NCDN: variants seen among roughly 807,000 people sequenced by gnomAD.
NCDN encodes the protein neurochondrin.
In NCDN, 9 loss-of-function variants were observed where a neutral mutation model predicts 60.7. The observed-to-expected ratio is 0.15, with a 90% CI of 0.09 to 0.26. NCDN has a LOEUF of 0.26. Ranked by LOEUF, NCDN falls within the 10% of genes least tolerant of loss-of-function variation. The probability of loss-of-function intolerance (pLI) is 1.00; values close to 1 mark genes in which losing one functional copy is unlikely to be tolerated. For synonymous variants in NCDN, 409 were observed against 442.5 expected (o/e 0.92, Z 0.95); for missense variants, 578 against 975.2 (o/e 0.59, Z 5.42).
Position 35,565,139 on chromosome 1 carries a change from G to A in NCDN, c.1754-88G>A. 3.0e-6 allele frequency: 4 copies of A among 1,329,390 alleles called. No homozygotes were observed. The highest frequency in any genetic ancestry group is 3.1e-6 in the Non-Finnish European group (3 of 967,754). The allele number at this position is 1,329,390 out of a possible 1,614,324, so 82.3% of individuals were successfully genotyped here. The stretch of plus-strand genomic sequence containing the variant: ...GATTCCAGGCTGTGCCCTGGCTCCT[G>A]CATGTGTCTACACAGAGGACTAGGG... On this transcript the variant is annotated intron_variant, in intron 6 of 6. Transcript: ENST00000373243. This position sits in a 1 kb window ranked among gnomAD's most constrained non-coding sequence, Gnocchi z 8.9.
chr1:35,558,288 A>ATCCGGCTTTTGGATTC lies in NCDN; in HGVS notation c.33+70_33+85dup. On this transcript the variant is annotated intron_variant, in intron 1 of 6. Coordinates refer to ENST00000373243, the MANE Select transcript of NCDN (RefSeq NM_014284.3). This position sits in a 1 kb window ranked among gnomAD's most constrained non-coding sequence, Gnocchi z 6.3. ...CCATCTCAGCAGCCCTGCTTCGATT[A>ATCCGGCTTTTGGATTC]TCCGGCTTTTGGATTCTCCGTTGTC... 6 of 1,607,418 alleles carry ATCCGGCTTTTGGATTC rather than the reference A, an allele frequency of 3.7e-6. No individual in the cohort carries two copies. The highest frequency in any genetic ancestry group is 5.1e-6 in the Non-Finnish European group (6 of 1,175,374).
rs56974171 is a variant in NCDN, at chr1:35,566,629, CCA to C, written c.*1016_*1017del. The stretch of plus-strand genomic sequence containing the variant: ...TACCTTTCTTATAAACCCAGGGGGA[CCA>C]CACACACACACACACACACACACAC... On this transcript the variant is annotated 3_prime_UTR_variant, in exon 7 of 7. Coordinates refer to ENST00000373243, the MANE Select transcript of NCDN (RefSeq NM_014284.3). This position sits in a 1 kb window ranked among gnomAD's most constrained non-coding sequence, Gnocchi z 5.3. 49,952 of 268,370 alleles carry C rather than the reference CCA, an allele frequency of 0.19. 2,052 individuals are homozygous for C. Among genetic ancestry groups the C allele is most frequent in the Non-Finnish European group, 0.21 (27,071 of 131,232 alleles). 16.6% of individuals were successfully genotyped at this position (268,370 alleles called of 1,614,324 possible).
Position 35,560,682 on chromosome 1 carries a change from C to T in NCDN, c.531C>T (p.Thr177=), listed in dbSNP as rs746759916. The T allele has an allele frequency of 6.8e-6, 11 of 1,613,056 alleles. No individual in the cohort carries two copies. Among genetic ancestry groups the T allele is most frequent in the South Asian group, 3.3e-5 (3 of 91,086 alleles). The change falls in exon 3 of 7, where the codon ACC becomes ACT. Residue 177 remains threonine, a synonymous_variant. Transcript: ENST00000373243. The surrounding 1 kb of genome is among the most constrained non-coding windows in gnomAD (Gnocchi z 7.6). ...RGPRHLIAGG[T]VSALCQAYLG... is the part of the protein sequence containing the mutation. ...CTCGGCACCTCATTGCTGGTGGCAC[C>T]GTGTCTGCCCTATGCCAGGCATACC... is the stretch of plus-strand genomic sequence containing the variant.
chr1:35,562,632 C>T lies in NCDN; in HGVS notation c.1384C>T (p.Arg462Trp), dbSNP rs1490243053. The change falls in exon 4 of 7, where the codon CGG becomes TGG. Residue 462 changes from arginine to tryptophan, a missense_variant and splice_region_variant. Coordinates refer to ENST00000373243, the MANE Select transcript of NCDN (RefSeq NM_014284.3). This position sits in a 1 kb window ranked among gnomAD's most constrained non-coding sequence, Gnocchi z 6.8. ...PGPTWPGDAL[R>W]LLLPGWCHLT... ...GCCCACCTGGCCAGGAGACGCTCTC[C>T]GGTGAGTCTGTAGTTACAGTCTGTC... 2.5e-6 allele frequency: 4 copies of T among 1,612,048 alleles called. No homozygotes were observed. The highest frequency in any genetic ancestry group is 2.2e-5 in the East Asian group (1 of 44,834).
Position 35,558,493 on chromosome 1 carries a change from C to A in NCDN, c.33+270C>A. Reference sequence around the variant, plus strand: ...GAGGGAAAGGAGAGGAGGCAAGGAGCCTGCGGGGGCGACTGAGAGCCCTGG... The same window carrying A: ...GAGGGAAAGGAGAGGAGGCAAGGAGACTGCGGGGGCGACTGAGAGCCCTGG... On this transcript the variant is annotated intron_variant, in intron 1 of 6. Coordinates refer to ENST00000373243, the MANE Select transcript of NCDN (RefSeq NM_014284.3). This position sits in a 1 kb window ranked among gnomAD's most constrained non-coding sequence, Gnocchi z 6.3. The A allele has an allele frequency of 7.2e-7, 1 of 1,390,084 alleles. No individual in the cohort carries two copies. The highest frequency in any genetic ancestry group is 1.6e-5 in the South Asian group (1 of 61,340). 86.1% of individuals were successfully genotyped at this position (1,390,084 alleles called of 1,614,324 possible).
Position 35,562,547 on chromosome 1 carries a change from G to A in NCDN, c.1299G>A (p.Glu433=). The part of the protein sequence containing the change: ...RYAKTLYEEA[E]EANDLSQQVA... ...CCAAGACCCTCTACGAGGAGGCCGA[G>A]GAGGCCAATGACCTTTCCCAGCAGG... The change falls in exon 4 of 7, where the codon GAG becomes GAA. Residue 433 remains glutamate (E), a synonymous_variant. Coordinates refer to ENST00000373243, the MANE Select transcript of NCDN (RefSeq NM_014284.3). The surrounding 1 kb of genome is among the most constrained non-coding windows in gnomAD (Gnocchi z 6.8). 6.2e-7 allele frequency: 1 copy of A among 1,614,098 alleles called. No homozygotes were observed. The highest frequency in any genetic ancestry group is 8.5e-7 in the Non-Finnish European group (1 of 1,179,992).
Position 35,561,097 on chromosome 1 carries a change from G to C in NCDN, c.946G>C (p.Val316Leu). 1 of 1,613,884 alleles carries C rather than the reference G, an allele frequency of 6.2e-7. No homozygotes were observed. The highest frequency in any genetic ancestry group is 1.7e-5 in the Admixed American group (1 of 60,000). ...FLALLVNLAC[V>L]EVRLALEETG... ...GGCCCTGCTGGTGAATCTGGCGTGCGTGGAAGTGCGGCTGGCACTGGAGGA... is the reference window on the plus strand; with the variant it reads ...GGCCCTGCTGGTGAATCTGGCGTGCCTGGAAGTGCGGCTGGCACTGGAGGA... The change falls in exon 3 of 7, where the codon GTG (valine) becomes CTG (leucine). Residue 316 changes from valine to leucine, a missense_variant. Val to Leu is a conservative substitution (Grantham distance 32). This residue lies in a region of NCDN where 363 missense variants were observed against 583.6 expected (regional missense o/e 0.62). Transcript: ENST00000373243. The surrounding 1 kb of genome is among the most constrained non-coding windows in gnomAD (Gnocchi z 4.9).
Position 35,560,297 on chromosome 1 carries a change from A to G in NCDN, c.175-29A>G, listed in dbSNP as rs181198985. On this transcript the variant is annotated intron_variant, in intron 2 of 6. Transcript: ENST00000373243. The surrounding 1 kb of genome is among the most constrained non-coding windows in gnomAD (Gnocchi z 7.6). ...ACAGTCTTTCCCACTTCTTCCTTTC[A>G]TCCTGATGATAGCACATACCCCCTA... The G allele has an allele frequency of 7.5e-6, 12 of 1,596,916 alleles. No homozygotes were observed. Among genetic ancestry groups the G allele is most frequent in the Admixed American group, 5.1e-5 (3 of 59,398 alleles).
chr1:35,560,290 T>C lies in NCDN; in HGVS notation c.175-36T>C. ...GAGAGGGACAGTCTTTCCCACTTCT[T>C]CCTTTCATCCTGATGATAGCACATA... On this transcript the variant is annotated intron_variant, in intron 2 of 6. Transcript: ENST00000373243. This position sits in a 1 kb window ranked among gnomAD's most constrained non-coding sequence, Gnocchi z 7.6. 6.3e-7 allele frequency: 1 copy of C among 1,588,940 alleles called. No homozygotes were observed. The highest frequency in any genetic ancestry group is 2.2e-5 in the East Asian group (1 of 44,580).
chr1:35,558,037 A>T lies in NCDN; in HGVS notation c.-154A>T. On this transcript the variant is annotated 5_prime_UTR_variant, in exon 1 of 7. Transcript: ENST00000373243. This position sits in a 1 kb window ranked among gnomAD's most constrained non-coding sequence, Gnocchi z 6.3. ...TGCCCTGTCGAGACTCCATTTTGTCACAGCCCTTTTCAATATATATCTTTT... is the reference window on the plus strand; with the variant it reads ...TGCCCTGTCGAGACTCCATTTTGTCTCAGCCCTTTTCAATATATATCTTTT... The T allele has an allele frequency of 8.6e-7, 1 of 1,158,102 alleles. No individual in the cohort carries two copies. Among genetic ancestry groups the T allele is most frequent in the Non-Finnish European group, 1.2e-6 (1 of 821,248 alleles). 71.7% of individuals were successfully genotyped at this position (1,158,102 alleles called of 1,614,324 possible).
In NCDN at chr1:35,563,664, G is replaced by C; in HGVS notation, c.1611-103G>C. On this transcript the variant is annotated intron_variant, in intron 5 of 6. Coordinates refer to ENST00000373243, the MANE Select transcript of NCDN (RefSeq NM_014284.3). This position sits in a 1 kb window ranked among gnomAD's most constrained non-coding sequence, Gnocchi z 6.6. The stretch of plus-strand genomic sequence containing the variant: ...CTCTGCCCCCCAGATGCTATGTTTG[G>C]GGCCCAAAGTTAATCACCCTACTGC... 1 of 1,419,038 alleles carries C rather than the reference G, an allele frequency of 7.0e-7. No homozygotes were observed. The highest frequency in any genetic ancestry group is 9.7e-7 in the Non-Finnish European group (1 of 1,033,464). The allele number at this position is 1,419,038 out of a possible 1,614,324, so 87.9% of individuals were successfully genotyped here.
In NCDN at chr1:35,565,752, CCT is replaced by C. The variant is rs747996133; in HGVS notation, c.*91_*92del. The C allele has an allele frequency of 3.1e-4, 420 of 1,345,928 alleles. No homozygotes were observed. Among genetic ancestry groups the C allele is most frequent in the East Asian group, 2.1e-3 (82 of 38,722 alleles). The allele number at this position is 1,345,928 out of a possible 1,614,324, so 83.4% of individuals were successfully genotyped here. On this transcript the variant is annotated 3_prime_UTR_variant, in exon 7 of 7. Coordinates refer to ENST00000373243, the MANE Select transcript of NCDN (RefSeq NM_014284.3). The surrounding 1 kb of genome is among the most constrained non-coding windows in gnomAD (Gnocchi z 8.9). ...CCTGAAGCCCCCAATCTGGCCCCCC[CCT>C]CCCCAGACTTCCTCCCCAAAACACC... is the stretch of plus-strand genomic sequence containing the variant.
Position 35,561,471 on chromosome 1 carries a change from C to T in NCDN, c.1143+177C>T, listed in dbSNP as rs1342257408. 6.6e-6 allele frequency among the ~76,000 whole-genome samples: 1 copy of T among 151,930 alleles called. No homozygotes were observed. The highest frequency in any genetic ancestry group is 2.4e-5 in the African/African-American group (1 of 41,322). On this transcript the variant is annotated intron_variant, in intron 3 of 6. Coordinates refer to ENST00000373243, the MANE Select transcript of NCDN (RefSeq NM_014284.3). This position sits in a 1 kb window ranked among gnomAD's most constrained non-coding sequence, Gnocchi z 4.9. ...GGCCCAACCTCCCTCTCTCTCCCTC[C>T]CTCCACACAAGCACCATACCACACA...
At position 35,560,323 on chromosome 1, in the gene NCDN, T is replaced by C. The variant is rs751393195; in HGVS notation, c.175-3T>C. 1 of 1,612,524 alleles carries C rather than the reference T, an allele frequency of 6.2e-7. No homozygotes were observed. Among genetic ancestry groups the C allele is most frequent in the Admixed American group, 1.7e-5 (1 of 60,018 alleles). On this transcript the variant is annotated splice_polypyrimidine_tract_variant and splice_region_variant and intron_variant, in intron 2 of 6. Coordinates refer to ENST00000373243, the MANE Select transcript of NCDN (RefSeq NM_014284.3). This position sits in a 1 kb window ranked among gnomAD's most constrained non-coding sequence, Gnocchi z 7.6. The stretch of plus-strand genomic sequence containing the variant: ...TCCTGATGATAGCACATACCCCCTA[T>C]AGGTGACCAAGGCAGTCAAAGCAGG...
Position 35,563,989 on chromosome 1 carries a change from AT to A in NCDN, c.1753+85del. On this transcript the variant is annotated intron_variant, in intron 6 of 6. Coordinates refer to ENST00000373243, the MANE Select transcript of NCDN (RefSeq NM_014284.3). The surrounding 1 kb of genome is among the most constrained non-coding windows in gnomAD (Gnocchi z 6.6). ...TCCTGTGTTTGGGGCAAAAGTCACCATTTTTAGAAGATGGTTTTGCAGCATT... is the reference window on the plus strand; with the variant it reads ...TCCTGTGTTTGGGGCAAAAGTCACCATTTTAGAAGATGGTTTTGCAGCATT... The A allele has an allele frequency of 1.4e-6, 2 of 1,475,958 alleles. No homozygotes were observed. The highest frequency in any genetic ancestry group is 1.4e-5 in the South Asian group (1 of 73,934). 91.4% of individuals were successfully genotyped at this position (1,475,958 alleles called of 1,614,324 possible).
chr1:35,565,669 G>A lies in NCDN; in HGVS notation c.*6G>A, dbSNP rs1557427552. ...AGTGCCTGTCAGAGCCCTGAGGGGT[G>A]TCCACCGGGGACAGACCCAGGGGCG... On this transcript the variant is annotated 3_prime_UTR_variant, in exon 7 of 7. Transcript: ENST00000373243. This position sits in a 1 kb window ranked among gnomAD's most constrained non-coding sequence, Gnocchi z 8.9. The A allele has an allele frequency of 6.5e-7, 1 of 1,543,852 alleles. No individual in the cohort carries two copies. The highest frequency in any genetic ancestry group is 8.7e-7 in the Non-Finnish European group (1 of 1,151,580).
rs137981465 is a variant in NCDN, at chr1:35,565,459, C to T, written c.1986C>T (p.Arg662=). The T allele has an allele frequency of 4.4e-6, 7 of 1,608,908 alleles. No individual in the cohort carries two copies. The African/African-American group carries it at 6.7e-5, about 15-fold the overall frequency. ...TGGCCCCCGCTGCCCTGCGCTCCCG[C>T]TGGCCGCAGGAGCTGCTCCAGCTGC... is the stretch of plus-strand genomic sequence containing the variant. ...PWLAPAALRS[R]WPQELLQLLG... is the part of the protein sequence containing the mutation. The change falls in exon 7 of 7, where the codon CGC becomes CGT. Residue 662 remains arginine, a synonymous_variant. Coordinates refer to ENST00000373243, the MANE Select transcript of NCDN (RefSeq NM_014284.3). The surrounding 1 kb of genome is among the most constrained non-coding windows in gnomAD (Gnocchi z 8.9).
chr1:35,558,236 A>G lies in NCDN; in HGVS notation c.33+13A>G. On this transcript the variant is annotated intron_variant, in intron 1 of 6. Transcript: ENST00000373243. The surrounding 1 kb of genome is among the most constrained non-coding windows in gnomAD (Gnocchi z 6.3). ...TGCGGCGGGACAGGTGGTGACCGCC[A>G]GGAACCCTCCTCCCCTTCTCATCTC... 6.2e-7 allele frequency: 1 copy of G among 1,613,950 alleles called. No individual in the cohort carries two copies.
chr1:35,560,845 G>T lies in NCDN; in HGVS notation c.694G>T (p.Ala232Ser). ...LRGLSEDFQKAEDASKFELCQ... is the reference protein window; with the variant it reads ...LRGLSEDFQKSEDASKFELCQ... ...GGGCCTCAGTGAGGATTTCCAGAAAGCTGAGGATGCCAGCAAGTTTGAGCT... is the reference window on the plus strand; with the variant it reads ...GGGCCTCAGTGAGGATTTCCAGAAATCTGAGGATGCCAGCAAGTTTGAGCT... Residue 232 changes from alanine (A) to serine (S), a missense_variant, in exon 3 of 7, where the codon GCT (alanine) becomes TCT (serine). This residue lies in a region of NCDN where 363 missense variants were observed against 583.6 expected (regional missense o/e 0.62). Coordinates refer to ENST00000373243, the MANE Select transcript of NCDN (RefSeq NM_014284.3). The surrounding 1 kb of genome is among the most constrained non-coding windows in gnomAD (Gnocchi z 7.6). 6.2e-7 allele frequency: 1 copy of T among 1,614,156 alleles called. No homozygotes were observed. Among genetic ancestry groups the T allele is most frequent in the Non-Finnish European group, 8.5e-7 (1 of 1,180,032 alleles).
Sources: gnomAD v4.1 joint callset for allele counts (sites outside exome capture counted in the v4.1 genomes callset) on GRCh38, gnomAD v4.1.1 for gene constraint, gnomAD v4.1.1 regional missense constraint, Gnocchi (gnomAD v3.1) non-coding constraint, MANE v1.5 for transcripts, NCBI Gene and HGNC (gene_info 2026-07-23, HGNC 2026-07-21) for gene names.